Variants in DSCAM observed in about 807,000 individuals in gnomAD.
The protein encoded by DSCAM is DS cell adhesion molecule.
In DSCAM, 47 loss-of-function variants were observed where a neutral mutation model predicts 217.7. The ratio of observed to expected loss-of-function variants is 0.22; its 90% CI spans 0.17 to 0.28. The LOEUF (loss-of-function observed/expected upper bound fraction) is 0.28, where lower values mean the gene tolerates loss of function less well. Among genes scored for constraint, DSCAM ranks in the 10% least tolerant of loss-of-function variants. The pLI is 1.00. For synonymous variants in DSCAM, 1,056 were observed against 1,015.3 expected, an observed-to-expected ratio of 1.04 and a Z score of -0.76; for missense variants, 2,080 against 2,618.3, an observed-to-expected ratio of 0.79 and a Z score of 4.49.
rs146173557 is a variant in DSCAM at position 40,120,322 on chromosome 21, A to C, written c.3696+3873T>G. Among the ~76,000 whole-genome samples the C allele has an allele frequency of 3.6e-3, 553 of 152,314 alleles. 5 individuals carry two copies. The highest frequency in any genetic ancestry group is 0.013 in the African/African-American group (521 of 41,578). On this transcript the variant is annotated intron_variant, in intron 20 of 32. Transcript: ENST00000400454. ...CATTAATGAGAAGTCTGTGCTTCCT[A>C]ATTTTACATTTCTAAGCTCCGCAAA...
At chr21:40,344,126 T>C (rs376177987) in intron 6 of DSCAM, among the ~76,000 whole-genome samples, 46 of 152,258 alleles carry the variant, frequency 3.0e-4, no homozygotes, top group Non-Finnish European at 6.2e-4. Flanking sequence ...CTCAAACTCC[T>C]GACCTCGAGT....
chr21:40,372,732 AGT>A (rs2074911226), intron 3 of DSCAM, among the ~76,000 whole-genome samples: 1 of 152,204 alleles, frequency 6.6e-6, no homozygotes, highest in African/African-American at 2.4e-5. Flanking sequence ...GTCAACACAC[AGT>A]GTGATGCATT....
At position 40,044,181 on chromosome 21, in the gene DSCAM, T is replaced by C. The variant is rs201433234; in HGVS notation, c.5280A>G (p.Ser1760=). The C allele has an allele frequency of 0.01, 16,156 of 1,614,122 alleles. 116 individuals are homozygous for C. The highest frequency in any genetic ancestry group is 0.012 in the Non-Finnish European group (14,261 of 1,180,004). ...WTLNRPHPTI[S]AHTLTTDWRL... is the part of the protein sequence containing the mutation. ...TCCAGTCTGTGGTGAGGGTGTGTGC[T>C]GAGATGGTGGGGTGGGGTCGGTTGA... Residue 1760 remains serine (S), a synonymous_variant, in exon 31 of 33, where the codon TCA becomes TCG. Coordinates refer to ENST00000400454, the MANE Select transcript of DSCAM (RefSeq NM_001389.5).
In DSCAM at chr21:40,142,646, T is replaced by C. The variant is rs1308090687; in HGVS notation, c.3318A>G (p.Ser1106=). 3 of 1,614,180 alleles carry C rather than the reference T, an allele frequency of 1.9e-6. No individual in the cohort carries two copies. In the Admixed American group the frequency reaches 5.0e-5, roughly 27 times the overall value. ...CCTTGGAAAGTGTGGACCAGGATAT[T>C]GATATGCTTTCTGGTGATGTTGCTA... ...QAIATSPESI[S]ISWSTLSKEA... Residue 1106 remains serine (S), a synonymous_variant, in exon 18 of 33, where the codon TCA becomes TCG. Transcript: ENST00000400454.
chr21:40,734,142 G>C (rs1197004062), intron 1 of DSCAM, among the ~76,000 whole-genome samples: 3 of 152,070 alleles, frequency 2.0e-5, no homozygotes, highest in Admixed American at 2.0e-4. Context: ...ATGCGATGTG[G>C]GGTCATCTAG....
At chr21:40,280,034 T>C (rs1455151914) in intron 10 of DSCAM, among the ~76,000 whole-genome samples, 2 of 151,970 alleles carry the variant, frequency 1.3e-5, no homozygotes, top group East Asian at 3.9e-4. Flanking sequence ...ACCTACATGA[T>C]AGGTTGATGG....
At chr21:40,824,570 C>T (rs1040089987) in intron 1 of DSCAM, among the ~76,000 whole-genome samples, 6 of 151,986 alleles carry the variant, frequency 3.9e-5, no homozygotes, top group African/African-American at 1.5e-4. Context: ...CCACCATCCC[C>T]AGCTTACTTT....
At chr21:40,312,644 T>C (rs949559491) in intron 8 of DSCAM, among the ~76,000 whole-genome samples, 1 of 152,232 alleles carries the variant, frequency 6.6e-6, no homozygotes, top group African/African-American at 2.4e-5. Context: ...ATCTGTAGTG[T>C]AAATAGTGTG....
rs911356584 is a variant in DSCAM, at chr21:40,528,898, C to CTTTT, written c.509-159657_509-159654dup. Among the ~76,000 whole-genome samples, 169 of 99,376 alleles carry CTTTT rather than the reference C, an allele frequency of 1.7e-3. 12 individuals are homozygous for CTTTT. The highest frequency in any genetic ancestry group is 5.5e-3 in the African/African-American group (112 of 20,548). The allele number at this position is 99,376 out of a possible 152,430, so 65.2% of individuals were successfully genotyped here. On this transcript the variant is annotated intron_variant, in intron 3 of 32. Transcript: ENST00000400454. ...TCTTTGGCAATGTCCAGGCTTTCCA[C>CTTTT]TTTTTTTTTTTTTTTTTTTTTTTGA...
intron 10 of DSCAM, among the ~76,000 whole-genome samples, chr21:40,284,836 T>C (rs2073805457): frequency 6.6e-6 from 1 of 152,204 alleles, no homozygotes; most frequent in South Asian, 2.1e-4. Context: ...GTTACTTCTT[T>C]TGTAAATGTG....
chr21:40,495,995 A>G (rs2076115444), intron 3 of DSCAM, among the ~76,000 whole-genome samples: 1 of 152,152 alleles, frequency 6.6e-6, no homozygotes, highest in South Asian at 2.1e-4. Context: ...AAATCTGTAC[A>G]CTAAAAACTA....
intron 1 of DSCAM, among the ~76,000 whole-genome samples, chr21:40,738,149 T>C (rs1210913838): frequency 6.6e-6 from 1 of 152,242 alleles, no homozygotes; most frequent in East Asian, 1.9e-4. Flanking sequence ...TGATTGTATT[T>C]GCTTGATATT....
chr21:40,124,401 A>G, intron 19 of DSCAM, 73 bp from the exon 20 acceptor site: 1 of 1,581,740 alleles, frequency 6.3e-7, no homozygotes, highest in Non-Finnish European at 8.6e-7. Flanking sequence ...TCCCAACATG[A>G]CCCCACTCCG....
At chr21:40,157,797 T>C (rs571464761) in intron 16 of DSCAM, among the ~76,000 whole-genome samples, 2 of 152,022 alleles carry the variant, frequency 1.3e-5, no homozygotes, top group East Asian at 3.9e-4. Flanking sequence ...CAGGCTCAAG[T>C]GATTCTCCCA....
chr21:40,337,292 C>A (rs1400569931), intron 8 of DSCAM, among the ~76,000 whole-genome samples: 3 of 152,200 alleles, frequency 2.0e-5, no homozygotes, highest in Non-Finnish European at 2.9e-5. Context: ...CTAGAAGCAA[C>A]ACCCACAGGT....
In DSCAM at chr21:40,246,126, AAGG is replaced by A. The variant is rs147012713; in HGVS notation, c.2356+29968_2356+29970del. Among the ~76,000 whole-genome samples, 868 of 152,080 alleles carry A rather than the reference AAGG, an allele frequency of 5.7e-3. 10 individuals carry two copies. Among genetic ancestry groups the A allele is most frequent in the African/African-American group, 0.02 (833 of 41,462 alleles). On this transcript the variant is annotated intron_variant, in intron 11 of 32. Coordinates refer to ENST00000400454, the MANE Select transcript of DSCAM (RefSeq NM_001389.5). ...AATCTAGACTCTCAAATAAAAGCCAAAGGAGATTTTAAAAAACATCCTCAAGAA... is the reference window on the plus strand; with the variant it reads ...AATCTAGACTCTCAAATAAAAGCCAAAGATTTTAAAAAACATCCTCAAGAA...
At chr21:40,375,874 G>A (rs930293688) in intron 3 of DSCAM, among the ~76,000 whole-genome samples, 1 of 152,130 alleles carries the variant, frequency 6.6e-6, no homozygotes, top group African/African-American at 2.4e-5. Flanking sequence ...CATGTAGACT[G>A]CATAAAAAGA....
chr21:40,780,267 A>G (rs2091527608), intron 1 of DSCAM, among the ~76,000 whole-genome samples: 1 of 152,076 alleles, frequency 6.6e-6, no homozygotes, highest in Admixed American at 6.6e-5. Context: ...ACCCACCTGC[A>G]TACTGGCATG....
chr21:40,545,802 G>A (rs2076577843), intron 3 of DSCAM, among the ~76,000 whole-genome samples: 1 of 152,202 alleles, frequency 6.6e-6, no homozygotes, highest in Admixed American at 6.5e-5. Flanking sequence ...ACCTCAAAAA[G>A]TGGCTTCAGC....
Sources: allele counts gnomAD v4.1 joint callset (sites outside exome capture counted in the v4.1 genomes callset), GRCh38; gene constraint gnomAD v4.1.1; transcripts MANE v1.5; gene names NCBI Gene and HGNC (gene_info 2026-07-23, HGNC 2026-07-21).